The following LGALS14 variants were observed in gnomAD, a reference collection of about 807,000 sequenced individuals.
LGALS14 encodes the protein galectin 14.
A neutral mutation model predicts 14.6 loss-of-function variants in LGALS14; 14 were observed. The ratio of observed to expected loss-of-function variants is 0.96; its 90% CI spans 0.64 to 1.50. The LOEUF is 1.50. LGALS14 is among the 40% of genes most tolerant of loss of function. The probability of loss-of-function intolerance (pLI) is 0.00; values close to 1 mark genes in which losing one functional copy is unlikely to be tolerated. For missense variants in LGALS14, 180 were observed against 172.0 expected (o/e 1.05, Z -0.26); for synonymous variants, 57 against 63.9 (o/e 0.89, Z 0.51).
Position 39,709,377 on chromosome 19 carries a change from G to C in LGALS14, c.*64G>C. 2 of 927,806 alleles carry C rather than the reference G, an allele frequency of 2.2e-6. No homozygotes were observed. Among genetic ancestry groups the C allele is most frequent in the Non-Finnish European group, 3.6e-6 (2 of 562,552 alleles). 57.5% of individuals were successfully genotyped at this position (927,806 alleles called of 1,614,324 possible). ...TTTCTACCTGACCATGGGATTCCCA[G>C]AGCCTACTAACAGAATAATCCCTCC... On this transcript the variant is annotated 3_prime_UTR_variant, in exon 4 of 4. Coordinates refer to ENST00000392052, the MANE Select transcript of LGALS14 (RefSeq NM_020129.3).
In LGALS14 at chr19:39,709,406, C is replaced by T. The variant is rs1378832256; in HGVS notation, c.*93C>T. 4.1e-6 allele frequency: 3 copies of T among 730,050 alleles called. No homozygotes were observed. The highest frequency in any genetic ancestry group is 4.9e-6 in the Non-Finnish European group (2 of 408,960). The allele number at this position is 730,050 out of a possible 1,614,324, so 45.2% of individuals were successfully genotyped here. On this transcript the variant is annotated 3_prime_UTR_variant, in exon 4 of 4. Coordinates refer to ENST00000392052, the MANE Select transcript of LGALS14 (RefSeq NM_020129.3). ...CTACTAACAGAATAATCCCTCCTCA[C>T]CCCTTCCCCTACACTTGATCATTAA...
intron 3 of LGALS14, among the ~76,000 whole-genome samples, chr19:39,708,015 G>A (rs1204747173): frequency 6.6e-6 from 1 of 152,086 alleles, no homozygotes; most frequent in Non-Finnish European, 1.5e-5. Flanking sequence ...TCACCATGTT[G>A]GCCAGGCTTG....
At chr19:39,705,912 C>G in intron 1 of LGALS14, 1 of 1,613,618 alleles carries the variant, frequency 6.2e-7, no homozygotes, top group Non-Finnish European at 8.5e-7. Context: ...CCAGTTATGT[C>G]CCTGACCCAC....
In LGALS14 at chr19:39,709,299, C is replaced by T. The variant is rs570737997; in HGVS notation, c.406C>T (p.Leu136Phe). The T allele has an allele frequency of 4.4e-6, 7 of 1,583,366 alleles. No homozygotes were observed. Among genetic ancestry groups the T allele is most frequent in the South Asian group, 2.2e-5 (2 of 90,406 alleles). ...VFRDISLTRV[L>F]ISD ...CAGAGATATCTCCCTGACCAGAGTG[C>T]TTATCAGCGATTGAGGGAGATGATC... is the stretch of plus-strand genomic sequence containing the variant. The change falls in exon 4 of 4, where the codon CTT becomes TTT. Residue 136 changes from leucine (L) to phenylalanine (F), a missense_variant. Physicochemically the swap from Leu to Phe is conservative, Grantham distance 22. Transcript: ENST00000392052.
chr19:39,707,165 G>A lies in LGALS14; in HGVS notation c.93-13G>A. 6.2e-7 allele frequency: 1 copy of A among 1,601,068 alleles called. No homozygotes were observed. The highest frequency in any genetic ancestry group is 8.6e-7 in the Non-Finnish European group (1 of 1,168,466). ...GGGGGACCTGCCCAACATGCTGTGT[G>A]CTTTGACCTCAGCAAGGACCCACAG... On this transcript the variant is annotated splice_polypyrimidine_tract_variant and intron_variant, in intron 2 of 3. Coordinates refer to ENST00000392052, the MANE Select transcript of LGALS14 (RefSeq NM_020129.3).
intron 3 of LGALS14, 120 bp downstream of exon 3, chr19:39,707,508 C>T (rs1409093953): frequency 1.1e-5 from 9 of 803,820 alleles, no homozygotes; most frequent in Non-Finnish European, 1.9e-5. Context: ...ATTCCTGTTT[C>T]AGGTTTTCAT....
At chr19:39,706,194 C>T (rs1600834956) in intron 1 of LGALS14, among the ~76,000 whole-genome samples, 1 of 152,244 alleles carries the variant, frequency 6.6e-6, no homozygotes, top group East Asian at 1.9e-4. Flanking sequence ...TCTGTTAGGT[C>T]ACCCCTAATT....
chr19:39,705,227 A>G (rs10402453), intron 1 of LGALS14, among the ~76,000 whole-genome samples: 13,302 of 152,148 alleles, frequency 0.087, 1,757 homozygotes, highest in African/African-American at 0.28. Context: ...ATCAGTAGAT[A>G]TCTCTTCCCA....
intron 3 of LGALS14, 86 bp downstream of exon 3, chr19:39,707,474 C>T: frequency 9.7e-7 from 1 of 1,028,488 alleles, no homozygotes; most frequent in East Asian, 2.4e-5. Flanking sequence ...GCCACCAGTC[C>T]CTTGGGGCCC....
At chr19:39,707,601 C>A (rs180750406) in intron 3 of LGALS14, among the ~76,000 whole-genome samples, 15 of 152,294 alleles carry the variant, frequency 9.8e-5, no homozygotes, top group African/African-American at 3.6e-4. Flanking sequence ...CCTGCCATTT[C>A]CTCCAAAGTG....
chr19:39,709,198 TAATGGTA>T lies in LGALS14; in HGVS notation c.311_317del (p.Val104AlafsTer16). ...TCTGATGCATTTTTCCTCTTGTAGG[TAATGGTA>T]AATGGCCAACGCATTTACAACTTTG... On this transcript the variant is annotated frameshift_variant and splice_region_variant, in exon 4 of 4. Coordinates refer to ENST00000392052, the MANE Select transcript of LGALS14 (RefSeq NM_020129.3). LOFTEE classifies it low-confidence loss of function (END_TRUNC). The T allele has an allele frequency of 6.2e-7, 1 of 1,600,744 alleles. No individual in the cohort carries two copies. The highest frequency in any genetic ancestry group is 8.6e-7 in the Non-Finnish European group (1 of 1,167,858).
intron 3 of LGALS14, among the ~76,000 whole-genome samples, chr19:39,707,917 C>A (rs929998941): frequency 6.6e-6 from 1 of 152,154 alleles, no homozygotes; most frequent in Non-Finnish European, 1.5e-5. Flanking sequence ...TCAAGCAATT[C>A]TCTTGCCTTA....
Position 39,709,401 on chromosome 19 carries a change from C to G in LGALS14, c.*88C>G, listed in dbSNP as rs1403721364. On this transcript the variant is annotated 3_prime_UTR_variant, in exon 4 of 4. Coordinates refer to ENST00000392052, the MANE Select transcript of LGALS14 (RefSeq NM_020129.3). ...AGAGCCTACTAACAGAATAATCCCT[C>G]CTCACCCCTTCCCCTACACTTGATC... 8 of 754,808 alleles carry G rather than the reference C, an allele frequency of 1.1e-5. No homozygotes were observed. Among genetic ancestry groups the G allele is most frequent in the South Asian group, 4.5e-5 (3 of 66,684 alleles). 46.8% of individuals were successfully genotyped at this position (754,808 alleles called of 1,614,324 possible). A position where few individuals can be genotyped will look rare whatever the true frequency, so the allele number is the denominator to read the frequency against.
intron 3 of LGALS14, among the ~76,000 whole-genome samples, chr19:39,708,081 A>G (rs1973744550): frequency 6.6e-6 from 1 of 152,170 alleles, no homozygotes; most frequent in African/African-American, 2.4e-5. Flanking sequence ...AAATACTGGG[A>G]TTACAGGCAT....
At chr19:39,707,951 A>G (rs1973742217) in intron 3 of LGALS14, among the ~76,000 whole-genome samples, 1 of 152,150 alleles carries the variant, frequency 6.6e-6, no homozygotes, top group Admixed American at 6.5e-5. Context: ...CCGGAATTAC[A>G]GGTGCATGCC....
intron 3 of LGALS14, among the ~76,000 whole-genome samples, chr19:39,708,298 T>C (rs1190580926): frequency 3.3e-5 from 5 of 152,200 alleles, no homozygotes; most frequent in Admixed American, 3.3e-4. Flanking sequence ...GATTACATAA[T>C]ATTGCATTAA....
rs1223359383 is a variant in LGALS14, at chr19:39,707,320, T to C, written c.235T>C (p.Tyr79His). ...FGIWRYEEKC[Y>H]YLPFEDGKPF... ...CATATGGAGATATGAGGAGAAATGC[T>C]ACTATTTACCCTTTGAAGATGGCAA... The change falls in exon 3 of 4, where the codon TAC becomes CAC. Residue 79 changes from tyrosine (Y) to histidine (H), a missense_variant. Physicochemically the swap from Tyr to His is moderately conservative, Grantham distance 83 (BLOSUM62 2). Transcript: ENST00000392052. 4 of 1,614,028 alleles carry C rather than the reference T, an allele frequency of 2.5e-6. No homozygotes were observed. The Admixed American group carries it at 5.0e-5, about 20-fold the overall frequency.
chr19:39,707,851 C>T (rs1973739558), intron 3 of LGALS14, among the ~76,000 whole-genome samples: 1 of 152,072 alleles, frequency 6.6e-6, no homozygotes. Flanking sequence ...ACTTTGTCAT[C>T]CAGGTTGGAG....
chr19:39,707,924 C>T (rs554328966), intron 3 of LGALS14, among the ~76,000 whole-genome samples: 1 of 152,092 alleles, frequency 6.6e-6, no homozygotes, highest in Non-Finnish European at 1.5e-5. Flanking sequence ...ATTCTCTTGC[C>T]TTAGTCTCCC....
Sources: allele counts gnomAD v4.1 joint callset (sites outside exome capture counted in the v4.1 genomes callset), GRCh38; gene constraint gnomAD v4.1.1; transcripts MANE v1.5; gene names NCBI Gene and HGNC (gene_info 2026-07-23, HGNC 2026-07-21).